PRAG1: variants seen among roughly 807,000 people sequenced by gnomAD.
PRAG1 encodes inactive tyrosine-protein kinase PRAG1.
In PRAG1, 110 loss-of-function variants were observed where a neutral mutation model predicts 95.6. That is an observed-to-expected ratio of 1.15 (90% CI 0.99 to 1.35). The LOEUF is 1.35. PRAG1 is among the 40% of genes most tolerant of loss of function. The probability of loss-of-function intolerance (pLI) is 0.00; values close to 1 mark genes in which losing one functional copy is unlikely to be tolerated. For synonymous variants in PRAG1, 1,052 were observed against 819.4 expected (o/e 1.28, Z -4.85); for missense variants, 2,554 against 1,864.7 (o/e 1.37, Z -6.81).
intron 3 of PRAG1, among the ~76,000 whole-genome samples, chr8:8,341,481 T>C (rs1366462779): frequency 1.3e-5 from 2 of 152,246 alleles, no homozygotes; most frequent in Non-Finnish European, 2.9e-5. Flanking sequence ...CAGATTTCAG[T>C]AGACGCACTT....
At chr8:8,335,116 T>G (rs567421344) in intron 4 of PRAG1, among the ~76,000 whole-genome samples, 6 of 152,208 alleles carry the variant, frequency 3.9e-5, no homozygotes, top group African/African-American at 1.4e-4. Flanking sequence ...TAAATAGACA[T>G]TTTTAGAGGA....
chr8:8,320,277 G>C (rs1041889225), intron 5 of PRAG1, among the ~76,000 whole-genome samples: 3 of 152,118 alleles, frequency 2.0e-5, no homozygotes, highest in Admixed American at 2.0e-4. Flanking sequence ...GGAACCAGAA[G>C]GAACCCTCAG....
At position 8,328,034 on chromosome 8, in the gene PRAG1, G is replaced by A. The variant is rs1239831146; in HGVS notation, c.2748C>T (p.Pro916=). 1.3e-6 allele frequency: 2 copies of A among 1,584,424 alleles called. No individual in the cohort carries two copies. Among genetic ancestry groups the A allele is most frequent in the Non-Finnish European group, 1.7e-6 (2 of 1,164,682 alleles). The change falls in exon 5 of 6, where the codon CCC becomes CCT. Residue 916 remains proline (P), a synonymous_variant. Transcript: ENST00000615670. The stretch of plus-strand genomic sequence containing the variant: ...CGCTCAGCTGGGAGGATGAGGCGGA[G>A]GGGGCCCCTTTGCACTGGAGGCCAG... ...GSPGLQCKGA[P]SASSSQLSVS...
chr8:8,333,681 A>C (rs993869511), intron 4 of PRAG1, among the ~76,000 whole-genome samples: 7 of 152,228 alleles, frequency 4.6e-5, no homozygotes, highest in Non-Finnish European at 1.0e-4. Context: ...GGAAGTGGTC[A>C]GTCCTGTTTT....
rs552241367 is a variant in PRAG1, at chr8:8,373,360, TG to T, written c.2162+2886del. Among the ~76,000 whole-genome samples the T allele has an allele frequency of 2.0e-5, 3 of 152,220 alleles. No homozygotes were observed. The South Asian group carries it at 6.2e-4, about 32-fold the overall frequency. On this transcript the variant is annotated intron_variant, in intron 3 of 5. Transcript: ENST00000615670. ...GTCAGTAATGCTTGAGAAATGAAAA[TG>T]CTTCCCCAAATGAAAATATATTCTA...
chr8:8,373,747 C>A lies in PRAG1; in HGVS notation c.2162+2500G>T, dbSNP rs546758547. On this transcript the variant is annotated intron_variant, in intron 3 of 5. Coordinates refer to ENST00000615670, the MANE Select transcript of PRAG1 (RefSeq NM_001080826.3). ...TGATTACAGGCATGAGCCACTAAGT[C>A]CGGCCCTTCTTTTTAATTCTTTTTT... 3.6e-4 allele frequency among the ~76,000 whole-genome samples: 55 copies of A among 152,278 alleles called. 1 individual carries two copies. The South Asian group carries it at 0.011, about 32-fold the overall frequency.
chr8:8,348,445 T>C (rs1799416279), intron 3 of PRAG1, among the ~76,000 whole-genome samples: 1 of 152,202 alleles, frequency 6.6e-6, no homozygotes, highest in Admixed American at 6.5e-5. Context: ...ATTCATTCCA[T>C]TGTACACATT....
In PRAG1 at chr8:8,376,462, C is replaced by T; in HGVS notation, c.1947G>A (p.Leu649=). The T allele has an allele frequency of 6.2e-7, 1 of 1,614,052 alleles. No homozygotes were observed. Among genetic ancestry groups the T allele is most frequent in the Non-Finnish European group, 8.5e-7 (1 of 1,179,968 alleles). ...IEEEEEVEQE[L]LSHSWGRETK... is the part of the protein sequence containing the mutation. ...TCTCTCTTCCCCAGCTGTGACTCAG[C>T]AATTCCTGCTCCACCTCCTCTTCTT... is the stretch of plus-strand genomic sequence containing the variant. The change falls in exon 3 of 6, where the codon TTG becomes TTA. Residue 649 remains leucine (L), a synonymous_variant. Coordinates refer to ENST00000615670, the MANE Select transcript of PRAG1 (RefSeq NM_001080826.3).
At chr8:8,322,249 C>T (rs948534862) in intron 5 of PRAG1, among the ~76,000 whole-genome samples, 7 of 152,064 alleles carry the variant, frequency 4.6e-5, no homozygotes, top group African/African-American at 1.2e-4. Context: ...GGCACGATCT[C>T]GGCTCACTGC....
Position 8,328,068 on chromosome 8 carries a change from C to A in PRAG1, c.2714G>T (p.Cys905Phe). The A allele has an allele frequency of 1.9e-6, 3 of 1,600,372 alleles. No individual in the cohort carries two copies. In the Admixed American group the frequency reaches 5.1e-5, roughly 27 times the overall value. ...AAGLAGNRGG[C>F]GSPGLQCKGA... ...TTTGCACTGGAGGCCAGGGCTCCCG[C>A]AGCCGCCTCTGTTGCCCGCCAGCCC... Residue 905 changes from cysteine (C) to phenylalanine (F), a missense_variant, in exon 5 of 6, where the codon TGC becomes TTC. Transcript: ENST00000615670.
intron 3 of PRAG1, among the ~76,000 whole-genome samples, chr8:8,363,066 T>C (rs1205197273): frequency 6.9e-6 from 1 of 145,278 alleles, no homozygotes; most frequent in Non-Finnish European, 1.5e-5. Context: ...TAGATATAGA[T>C]ATATAGATAT....
chr8:8,326,140 T>C, intron 5 of PRAG1, among the ~76,000 whole-genome samples: 1 of 147,706 alleles, frequency 6.8e-6, no homozygotes, highest in Non-Finnish European at 1.5e-5. Context: ...CTATTAATAA[T>C]ATTCAGTATA....
Position 8,381,587 on chromosome 8 carries a change from A to C in PRAG1, c.161T>G (p.Leu54Arg). ...GGGAGGCAGGCGCGGTGGAGGGGGC[A>C]GGCTGCCCGCTCTGGGCTGGGGAGG... The part of the protein sequence containing the change: ...AGPPQPRAGS[L>R]PPPPRLPPRP... Residue 54 changes from leucine to arginine, a missense_variant, in exon 2 of 6, where the codon CTG (leucine) becomes CGG (arginine). By Grantham distance (102) the Leu-to-Arg change is moderately radical. Coordinates refer to ENST00000615670, the MANE Select transcript of PRAG1 (RefSeq NM_001080826.3). 1.9e-6 allele frequency: 3 copies of C among 1,614,104 alleles called. No individual in the cohort carries two copies. The East Asian group carries it at 6.7e-5, about 36-fold the overall frequency.
rs188558956 is a variant in PRAG1, at chr8:8,369,676, G to A, written c.2162+6571C>T. 8.9e-4 allele frequency among the ~76,000 whole-genome samples: 133 copies of A among 149,854 alleles called. 1 individual carries two copies. The Middle Eastern group carries it at 0.024, about 27-fold the overall frequency. ...TGCACTTTACCTTCAAAGTGCATCTGGTCTATTTTGTAAAAAATAAACTTT... is the reference window on the plus strand; with the variant it reads ...TGCACTTTACCTTCAAAGTGCATCTAGTCTATTTTGTAAAAAATAAACTTT... On this transcript the variant is annotated intron_variant, in intron 3 of 5. Coordinates refer to ENST00000615670, the MANE Select transcript of PRAG1 (RefSeq NM_001080826.3).
At chr8:8,333,360 C>T (rs141046184) in intron 4 of PRAG1, among the ~76,000 whole-genome samples, 46 of 152,232 alleles carry the variant, frequency 3.0e-4, no homozygotes, top group Non-Finnish European at 5.0e-4. Flanking sequence ...ATGCCTTTAG[C>T]GAACGTGCTT....
intron 3 of PRAG1, among the ~76,000 whole-genome samples, chr8:8,361,970 G>A (rs529214457): frequency 3.9e-5 from 6 of 152,240 alleles, no homozygotes; most frequent in Non-Finnish European, 7.4e-5. Flanking sequence ...CTGAATGCTG[G>A]GTAGACTCAA....
In PRAG1 at chr8:8,376,378, TGTGGG is replaced by T; in HGVS notation, c.2026_2030del (p.Pro676ArgfsTer23). ...TGCTGTTCTGCCCAGAGGAGCCATC[TGTGGG>T]GTGGAGACGGTGCCAGGTCGTGGAG... On this transcript the variant is annotated frameshift_variant, in exon 3 of 6. Transcript: ENST00000615670. LOFTEE classifies it high-confidence loss of function. 6.2e-7 allele frequency: 1 copy of T among 1,614,232 alleles called. No individual in the cohort carries two copies. Among genetic ancestry groups the T allele is most frequent in the Non-Finnish European group, 8.5e-7 (1 of 1,180,034 alleles).
intron 2 of PRAG1, among the ~76,000 whole-genome samples, chr8:8,380,217 G>C (rs566025851): frequency 1.3e-5 from 2 of 152,242 alleles, no homozygotes; most frequent in African/African-American, 2.4e-5. Context: ...GGAGATTGCA[G>C]TTAGCCGAGA....
intron 3 of PRAG1, among the ~76,000 whole-genome samples, chr8:8,351,219 G>C (rs1381427241): frequency 2.0e-5 from 3 of 152,084 alleles, no homozygotes; most frequent in African/African-American, 7.2e-5. Flanking sequence ...ACTTCACATG[G>C]CAAGAGTAGG....
Sources: allele counts gnomAD v4.1 joint callset (sites outside exome capture counted in the v4.1 genomes callset), GRCh38; gene constraint gnomAD v4.1.1; transcripts MANE v1.5; gene names NCBI Gene and HGNC (gene_info 2026-07-23, HGNC 2026-07-21).